TBC1D15: variants seen among roughly 807,000 people sequenced by gnomAD.
The protein encoded by TBC1D15 is GAP for RAB7.
TBC1D15 carries 39 observed loss-of-function variants against 95.4 expected under a neutral mutation model. The ratio of observed to expected loss-of-function variants is 0.41; its 90% CI spans 0.32 to 0.53. The LOEUF (loss-of-function observed/expected upper bound fraction) is 0.53. Among genes scored for constraint, TBC1D15 ranks in the 20% least tolerant of loss-of-function variants. The probability of loss-of-function intolerance (pLI) is 0.29; values close to 1 mark genes in which losing one functional copy is unlikely to be tolerated. For missense variants in TBC1D15, 733 were observed against 794.3 expected (o/e 0.92, Z 0.93); for synonymous variants, 258 against 261.3 (o/e 0.99, Z 0.12).
At chr12:71,920,984 T>A in intron 15 of TBC1D15, 137 bp downstream of exon 15, 1 of 639,250 alleles carries the variant, frequency 1.6e-6, no homozygotes, top group Non-Finnish European at 2.7e-6. Flanking sequence ...TAGGAATGAC[T>A]ATCTGAGAAT....
At chr12:71,896,525 G>A (rs1453542978) in intron 8 of TBC1D15, 152 bp from the exon 9 acceptor site, 2 of 662,458 alleles carry the variant, frequency 3.0e-6, no homozygotes, top group Non-Finnish European at 5.1e-6. Context: ...GGATCTAGAA[G>A]TAAAAAACAA....
intron 1 of TBC1D15, among the ~76,000 whole-genome samples, chr12:71,863,868 C>CT (rs1391428837): frequency 1.6e-4 from 24 of 151,718 alleles, no homozygotes; most frequent in Non-Finnish European, 2.7e-4. Context: ...CTGCTTGGCT[C>CT]TTTTTTTATT....
chr12:71,897,085 A>G (rs887876681), intron 9 of TBC1D15: 2 of 205,694 alleles, frequency 9.7e-6, no homozygotes. Flanking sequence ...ACTTAAAAAC[A>G]TCTCTCATTC....
intron 10 of TBC1D15, among the ~76,000 whole-genome samples, chr12:71,900,444 C>G (rs1293630867): frequency 6.6e-6 from 1 of 152,084 alleles, no homozygotes; most frequent in Admixed American, 6.5e-5. Flanking sequence ...TCCTGCTGCT[C>G]AAGGTCATCT....
intron 1 of TBC1D15, among the ~76,000 whole-genome samples, chr12:71,859,004 A>G (rs991351671): frequency 1.3e-5 from 2 of 151,878 alleles, no homozygotes; most frequent in Admixed American, 6.6e-5. Context: ...ATGACAAAAA[A>G]TTAGTCATCA....
intron 5 of TBC1D15, among the ~76,000 whole-genome samples, chr12:71,888,647 A>G (rs1372261356): frequency 6.6e-6 from 1 of 152,148 alleles, no homozygotes; most frequent in Non-Finnish European, 1.5e-5. Flanking sequence ...GAATGAGAGC[A>G]GAATGAAAGC....
chr12:71,859,617 G>T (rs28853082), intron 1 of TBC1D15, among the ~76,000 whole-genome samples: 5,677 of 116,956 alleles, frequency 0.049, 127 homozygotes, highest in South Asian at 0.091. Context: ...AATCCTTTTT[G>T]TTTTTTTTGA....
At chr12:71,860,802 C>T (rs562412207) in intron 1 of TBC1D15, among the ~76,000 whole-genome samples, 1 of 152,206 alleles carries the variant, frequency 6.6e-6, no homozygotes, top group East Asian at 1.9e-4. Context: ...TGTCTTGTAC[C>T]AGATCTTAGA....
intron 10 of TBC1D15, among the ~76,000 whole-genome samples, chr12:71,906,811 T>A (rs1233621176): frequency 1.3e-5 from 2 of 152,200 alleles, no homozygotes; most frequent in Admixed American, 6.5e-5. Flanking sequence ...TTTTAAAATC[T>A]GCCCATGAGG....
At position 71,905,719 on chromosome 12, in the gene TBC1D15, T is replaced by C. The variant is rs928123542; in HGVS notation, c.1184-1303T>C. On this transcript the variant is annotated intron_variant, in intron 10 of 16. Transcript: ENST00000485960. ...TGAGAACTGTATCCACAATTCTGTA[T>C]GTATTTGCTTGCTTTTTAAAAATCA... is the stretch of plus-strand genomic sequence containing the variant. Among the ~76,000 whole-genome samples the C allele has an allele frequency of 3.4e-4, 52 of 152,340 alleles. 1 individual carries two copies. Among genetic ancestry groups the C allele is most frequent in the African/African-American group, 1.0e-3 (43 of 41,566 alleles).
intron 1 of TBC1D15, among the ~76,000 whole-genome samples, chr12:71,862,374 T>G (rs905620329): frequency 6.6e-6 from 1 of 152,224 alleles, no homozygotes; most frequent in Non-Finnish European, 1.5e-5. Context: ...TGAGTGCATA[T>G]ATATTTACAG....
At chr12:71,898,362 A>G (rs1026309067) in intron 10 of TBC1D15, among the ~76,000 whole-genome samples, 1 of 152,064 alleles carries the variant, frequency 6.6e-6, no homozygotes, top group Non-Finnish European at 1.5e-5. Context: ...GTTAATAGGT[A>G]TTGGTTTATA....
chr12:71,841,331 C>T (rs1334231449), intron 1 of TBC1D15: 1 of 152,174 alleles, frequency 6.6e-6, no homozygotes, highest in Non-Finnish European at 1.5e-5. Context: ...CATAGTCTGA[C>T]TTCTTAAAGT....
At chr12:71,880,682 C>A in intron 4 of TBC1D15, 75 bp downstream of exon 4, 3 of 1,441,054 alleles carry the variant, frequency 2.1e-6, no homozygotes, top group Non-Finnish European at 2.8e-6. Flanking sequence ...AAAGAAGATT[C>A]GTGAATGCTC....
intron 11 of TBC1D15, 78 bp downstream of exon 11, chr12:71,907,216 A>G: frequency 1.2e-6 from 1 of 840,996 alleles, no homozygotes. Flanking sequence ...CCAGTTAGAC[A>G]TGGGTAATAG....
intron 1 of TBC1D15, among the ~76,000 whole-genome samples, chr12:71,870,644 TG>T (rs1223910230): frequency 6.6e-6 from 1 of 152,224 alleles, no homozygotes; most frequent in Non-Finnish European, 1.5e-5. Context: ...TCAGACTCCT[TG>T]GGTTTCAGTT....
intron 1 of TBC1D15, among the ~76,000 whole-genome samples, chr12:71,848,777 C>G (rs1300928388): frequency 6.6e-6 from 1 of 152,120 alleles, no homozygotes; most frequent in East Asian, 1.9e-4. Context: ...TTTTTAGTCA[C>G]CTGAGAATCA....
At chr12:71,920,956 T>G (rs1458005009) in intron 15 of TBC1D15, 109 bp downstream of exon 15, 2 of 782,980 alleles carry the variant, frequency 2.6e-6, no homozygotes, top group Non-Finnish European at 4.1e-6. Context: ...GTAACTTAAA[T>G]TGTGTCAATA....
At chr12:71,868,497 C>T (rs562922773) in intron 1 of TBC1D15, among the ~76,000 whole-genome samples, 27 of 152,074 alleles carry the variant, frequency 1.8e-4, no homozygotes, top group Admixed American at 1.4e-3. Flanking sequence ...CCACCCACCT[C>T]GGCCTCCCAA....
Sources: gnomAD v4.1 joint callset for allele counts (sites outside exome capture counted in the v4.1 genomes callset) on GRCh38, gnomAD v4.1.1 for gene constraint, MANE v1.5 for transcripts, NCBI Gene and HGNC (gene_info 2026-07-23, HGNC 2026-07-21) for gene names.